Variants in CACYBP observed in about 807,000 individuals in gnomAD.
CACYBP encodes the protein calcyclin binding protein, also known as calcyclin-binding protein.
In CACYBP, 11 loss-of-function variants were observed where a neutral mutation model predicts 29.6. That is an observed-to-expected ratio of 0.37 (90% CI 0.23 to 0.61). CACYBP has a LOEUF of 0.61. CACYBP is among the 20% of genes least tolerant of loss of function. The pLI is 0.65. For synonymous variants in CACYBP, 73 were observed against 88.3 expected, an observed-to-expected ratio of 0.83 and a Z score of 0.97; for missense variants, 163 against 260.7, an observed-to-expected ratio of 0.63 and a Z score of 2.58.
chr1:175,004,864 C>T (rs1672577930), intron 2 of CACYBP, 31 bp downstream of exon 2: 1 of 1,368,650 alleles, frequency 7.3e-7, no homozygotes. Context: ...GCCAGTTCTG[C>T]CTCCGAGCAA....
At chr1:175,008,309 C>T (rs1363674410) in intron 4 of CACYBP, among the ~76,000 whole-genome samples, 5 of 152,082 alleles carry the variant, frequency 3.3e-5, no homozygotes, top group Non-Finnish European at 7.4e-5. Flanking sequence ...CCTTAGGCTT[C>T]GGCTCAGATT....
chr1:175,008,438 T>C (rs1672669856), intron 4 of CACYBP, among the ~76,000 whole-genome samples, 171 bp from the exon 5 acceptor site: 1 of 152,192 alleles, frequency 6.6e-6, no homozygotes, highest in Non-Finnish European at 1.5e-5. Flanking sequence ...TTATGGTCTT[T>C]TCACACCATG....
chr1:175,000,947 C>T (rs1326040351), intron 1 of CACYBP, among the ~76,000 whole-genome samples: 1 of 152,192 alleles, frequency 6.6e-6, no homozygotes, highest in Non-Finnish European at 1.5e-5. Flanking sequence ...TTGTATTGCT[C>T]ATTTCCTGGC....
chr1:175,001,231 T>C lies in CACYBP; in HGVS notation c.15+1036T>C, dbSNP rs868089392. ...ATAACTTCACAGTCTTGCAGGTGGA[T>C]AGCTCAGTGTTAGTCCTCTTGAAAG... On this transcript the variant is annotated intron_variant, in intron 1 of 5. Transcript: ENST00000367679. Among the ~76,000 whole-genome samples, 8 of 152,324 alleles carry C rather than the reference T, an allele frequency of 5.3e-5. No homozygotes were observed. In the South Asian group the frequency reaches 1.7e-3, roughly 32 times the overall value.
intron 1 of CACYBP, among the ~76,000 whole-genome samples, chr1:175,001,951 A>G (rs1340071936): frequency 6.6e-6 from 1 of 152,204 alleles, no homozygotes; most frequent in Admixed American, 6.5e-5. Context: ...CACGTTGGCC[A>G]GGCTGGTCTC....
intron 1 of CACYBP, among the ~76,000 whole-genome samples, 186 bp from the exon 2 acceptor site, chr1:175,004,424 AAAAG>A (rs1672564520): frequency 6.6e-6 from 1 of 152,210 alleles, no homozygotes; most frequent in Non-Finnish European, 1.5e-5. Context: ...CCTTTTGAAA[AAAAG>A]GAAGCTTGAG....
At chr1:175,004,929 T>C (rs1375741416) in intron 2 of CACYBP, 96 bp downstream of exon 2, 2 of 856,768 alleles carry the variant, frequency 2.3e-6, no homozygotes, top group Non-Finnish European at 4.0e-6. Context: ...TGAGTCTGTG[T>C]TTTTGGTGGT....
At chr1:175,002,287 G>A (rs893749884) in intron 1 of CACYBP, among the ~76,000 whole-genome samples, 1 of 152,038 alleles carries the variant, frequency 6.6e-6, no homozygotes, top group African/African-American at 2.4e-5. Flanking sequence ...TATTTTCTGG[G>A]GTGTTTTATT....
chr1:175,000,409 C>G, intron 1 of CACYBP: 1 of 1,401,850 alleles, frequency 7.1e-7, no homozygotes, highest in Non-Finnish European at 9.3e-7. Context: ...CACTCGCCTG[C>G]TGGGCTCGAG....
rs12565944 is a variant in CACYBP at position 175,010,985 on chromosome 1, C to T, written c.*906C>T. 16,050 of 151,738 alleles carry T rather than the reference C, an allele frequency of 0.11. 932 individuals carry two copies. Among genetic ancestry groups the T allele is most frequent in the East Asian group, 0.23 (1,195 of 5,134 alleles). The allele number at this position is 151,738 out of a possible 1,614,324, so 9.4% of individuals were successfully genotyped here. A position where few individuals can be genotyped will look rare whatever the true frequency, so the allele number is the denominator to read the frequency against. ...AATTGAAGCCAGGCATGAAGGCTGG[C>T]GCCCGTAATCCCAGCTACTAAGGCT... On this transcript the variant is annotated 3_prime_UTR_variant, in exon 6 of 6. Coordinates refer to ENST00000367679, the MANE Select transcript of CACYBP (RefSeq NM_014412.3).
At chr1:175,002,470 T>A (rs917239792) in intron 1 of CACYBP, among the ~76,000 whole-genome samples, 1 of 152,208 alleles carries the variant, frequency 6.6e-6, no homozygotes, top group African/African-American at 2.4e-5. Flanking sequence ...TGAGGCACAT[T>A]GGTGTTAATG....
Position 175,000,165 on chromosome 1 carries a change from G to A in CACYBP, c.-16G>A, listed in dbSNP as rs1318287799. 1 of 1,605,960 alleles carries A rather than the reference G, an allele frequency of 6.2e-7. No homozygotes were observed. Among genetic ancestry groups the A allele is most frequent in the Non-Finnish European group, 8.5e-7 (1 of 1,176,326 alleles). On this transcript the variant is annotated 5_prime_UTR_variant, in exon 1 of 6. Coordinates refer to ENST00000367679, the MANE Select transcript of CACYBP (RefSeq NM_014412.3). ...TGCGCGGCTGCAGCTCGGGACTTCG[G>A]CCTGACCCAGCCCCCATGGCTTCAG...
intron 1 of CACYBP, among the ~76,000 whole-genome samples, chr1:175,003,339 G>A (rs764931972): frequency 2.0e-5 from 3 of 152,002 alleles, no homozygotes; most frequent in Non-Finnish European, 4.4e-5. Flanking sequence ...TGTTGGTCTC[G>A]AACCCCTAAC....
intron 1 of CACYBP, chr1:175,000,646 C>G (rs1173186740): frequency 3.1e-5 from 32 of 1,016,990 alleles, no homozygotes; most frequent in Non-Finnish European, 3.8e-5. Context: ...CAGGTTTTCT[C>G]TACACACGAG....
chr1:175,003,791 A>G (rs1158859016), intron 1 of CACYBP, among the ~76,000 whole-genome samples: 1 of 152,188 alleles, frequency 6.6e-6, no homozygotes, highest in African/African-American at 2.4e-5. Flanking sequence ...AGGCTCAATA[A>G]TTTTCTAACA....
At chr1:175,000,303 T>TG in intron 1 of CACYBP, 108 bp downstream of exon 1, 2 of 1,510,600 alleles carry the variant, frequency 1.3e-6, no homozygotes, top group Non-Finnish European at 1.8e-6. Context: ...GGCCACCCGG[T>TG]CCCGCGCCAG....
chr1:174,999,942 G>A (rs1401057243), upstream of CACYBP: 1 of 584,164 alleles, frequency 1.7e-6, no homozygotes, highest in Non-Finnish European at 2.9e-6. Flanking sequence ...GGTGGAGCCA[G>A]GCTTGGCGGG....
At chr1:175,009,465 G>A (rs1475581777) in intron 5 of CACYBP, among the ~76,000 whole-genome samples, 1 of 151,822 alleles carries the variant, frequency 6.6e-6, no homozygotes, top group East Asian at 1.9e-4. Context: ...GGCCAACATG[G>A]TGAAACTCTG....
At chr1:175,005,138 T>C (rs1266810061) in intron 2 of CACYBP, 1 of 365,104 alleles carries the variant, frequency 2.7e-6, no homozygotes, top group Non-Finnish European at 5.2e-6. Flanking sequence ...TTTAATCATG[T>C]TTTATGTTTC....
Sources: gnomAD v4.1 joint callset for allele counts (sites outside exome capture counted in the v4.1 genomes callset) on GRCh38, gnomAD v4.1.1 for gene constraint, MANE v1.5 for transcripts, NCBI Gene and HGNC (gene_info 2026-07-23, HGNC 2026-07-21) for gene names.